DOCK7: variants seen among roughly 807,000 people sequenced by gnomAD.
DOCK7 encodes dedicator of cytokinesis protein 7.
A neutral mutation model predicts 271.0 loss-of-function variants in DOCK7; 138 were observed. The ratio of observed to expected loss-of-function variants is 0.51; its 90% CI spans 0.44 to 0.59. The LOEUF is 0.59. Ranked by LOEUF, DOCK7 falls within the 20% of genes least tolerant of loss-of-function variation. The pLI is 0.00. For synonymous variants in DOCK7, 823 were observed against 876.1 expected (o/e 0.94, Z 1.07); for missense variants, 2,066 against 2,592.4 (o/e 0.80, Z 4.41).
At chr1:62,460,312 T>A (rs1239375221) in intron 48 of DOCK7, among the ~76,000 whole-genome samples, 3 of 152,028 alleles carry the variant, frequency 2.0e-5, no homozygotes, top group African/African-American at 4.8e-5. Context: ...TCTGCATGCA[T>A]GAATTAGACC....
At position 62,648,312 on chromosome 1, in the gene DOCK7, G is replaced by T; in HGVS notation, c.526C>A (p.Leu176Ile). ...TCTATTGACATTGAACGTCTTTTAA[G>T]GTCATCCTGTCATGCAAAACATTAA... ...GNSYQDDQDD[L>I]KRRSMSIDDT... The change falls in exon 6 of 50, where the codon CTT (leucine) becomes ATT (isoleucine). Residue 176 changes from leucine (L) to isoleucine (I), a missense_variant. Leu to Ile is a conservative substitution (Grantham distance 5, BLOSUM62 2). Coordinates refer to ENST00000635253, the MANE Select transcript of DOCK7 (RefSeq NM_001367561.1). 1 of 1,596,070 alleles carries T rather than the reference G, an allele frequency of 6.3e-7. No homozygotes were observed.
chr1:62,662,292 T>C (rs1658749930), intron 2 of DOCK7, among the ~76,000 whole-genome samples: 1 of 152,174 alleles, frequency 6.6e-6, no homozygotes, highest in Non-Finnish European at 1.5e-5. Context: ...CCAGCTTCTT[T>C]AATAAGAGAA....
chr1:62,565,890 C>T (rs1646498120), intron 18 of DOCK7, among the ~76,000 whole-genome samples: 1 of 152,192 alleles, frequency 6.6e-6, no homozygotes, highest in Non-Finnish European at 1.5e-5. Context: ...GCAAAAATCA[C>T]AAGCATTCCT....
intron 18 of DOCK7, 151 bp downstream of exon 18, chr1:62,577,111 A>G (rs1357763311): frequency 4.9e-6 from 2 of 411,132 alleles, no homozygotes; most frequent in African/African-American, 4.1e-5. Flanking sequence ...TTTTATGTAA[A>G]AGAATTTTAA....
chr1:62,617,050 A>T (rs527873828), intron 14 of DOCK7, among the ~76,000 whole-genome samples: 2 of 151,682 alleles, frequency 1.3e-5, no homozygotes, highest in South Asian at 2.1e-4. Context: ...TTTCAGTGAA[A>T]TGAGCAAACT....
chr1:62,631,802 AG>A (rs1654661402), intron 10 of DOCK7, among the ~76,000 whole-genome samples: 1 of 152,234 alleles, frequency 6.6e-6, no homozygotes. Context: ...GAAGTAGCTG[AG>A]CACATTTGAA....
intron 14 of DOCK7, chr1:62,598,719 T>A: frequency 6.2e-7 from 1 of 1,609,852 alleles, no homozygotes; most frequent in Non-Finnish European, 8.5e-7. Flanking sequence ...AACAAGATAA[T>A]AGCATCAAAG....
rs1645465258 is a variant in DOCK7 at position 62,539,764 on chromosome 1, T to C, written c.3174A>G (p.Ser1058=). ...AAGTTATCATTACCTTCTGAAATCGTGAAACTATATCACTAGCAATCGTGC... is the reference window on the plus strand; with the variant it reads ...AAGTTATCATTACCTTCTGAAATCGCGAAACTATATCACTAGCAATCGTGC... ...LVSTIASDIV[S]RFQKDTEMVE... The change falls in exon 26 of 50, where the codon TCA becomes TCG. Residue 1058 remains serine (S), a synonymous_variant. Coordinates refer to ENST00000635253, the MANE Select transcript of DOCK7 (RefSeq NM_001367561.1). 1 of 1,612,884 alleles carries C rather than the reference T, an allele frequency of 6.2e-7. No homozygotes were observed. Among genetic ancestry groups the C allele is most frequent in the Non-Finnish European group, 8.5e-7 (1 of 1,179,694 alleles).
intron 7 of DOCK7, among the ~76,000 whole-genome samples, chr1:62,643,968 T>A (rs986777639): frequency 2.0e-5 from 3 of 151,796 alleles, no homozygotes; most frequent in Admixed American, 6.6e-5. Context: ...ATTCTGAGAG[T>A]CTCTTGTTCC....
intron 18 of DOCK7, among the ~76,000 whole-genome samples, chr1:62,570,730 A>G (rs1207150020): frequency 6.6e-6 from 1 of 152,178 alleles, no homozygotes; most frequent in Non-Finnish European, 1.5e-5. Context: ...GGAACAGAAT[A>G]GAGAACTTAG....
rs191312236 is a variant in DOCK7, at chr1:62,494,390, C to T, written c.5102G>A (p.Arg1701Gln). The change falls in exon 40 of 50, where the codon CGA becomes CAA. Residue 1701 changes from arginine (R) to glutamine (Q), a missense_variant. Arg to Gln is a conservative substitution (Grantham distance 43, BLOSUM62 1). Transcript: ENST00000635253. ...LQNMAGKHSE[R>Q]SNHAEAAQCL... ...CTGTGCAGCTTCAGCATGATTGCTT[C>T]GTTCTGAGTGCTTGCCTGCCATGTT... The T allele has an allele frequency of 2.7e-5, 43 of 1,613,394 alleles. No homozygotes were observed. The highest frequency in any genetic ancestry group is 3.3e-5 in the Admixed American group (2 of 60,000).
intron 14 of DOCK7, among the ~76,000 whole-genome samples, chr1:62,599,463 C>T (rs1206579198): frequency 2.0e-5 from 3 of 151,972 alleles, no homozygotes; most frequent in Non-Finnish European, 4.4e-5. Context: ...CCGCCTGGTC[C>T]CATCCCTGAA....
At chr1:62,520,802 C>T (rs1462759538) in intron 31 of DOCK7, among the ~76,000 whole-genome samples, 2 of 152,116 alleles carry the variant, frequency 1.3e-5, no homozygotes, top group Non-Finnish European at 2.9e-5. Context: ...ACACATGCAC[C>T]TGTATGTTTA....
chr1:62,584,213 A>G (rs1055799114), intron 15 of DOCK7: 2 of 983,698 alleles, frequency 2.0e-6, no homozygotes, highest in Non-Finnish European at 2.4e-6. Context: ...CATTTCAAGC[A>G]GGCTCTTTTA....
intron 31 of DOCK7, among the ~76,000 whole-genome samples, chr1:62,524,958 ACTATAAAC>A (rs1644962265): frequency 1.0e-4 from 9 of 90,268 alleles, no homozygotes; most frequent in South Asian, 4.0e-4. Flanking sequence ...TATATATATT[ACTATAAAC>A]TATATATTTT....
chr1:62,490,993 T>C (rs1646449728), intron 41 of DOCK7, among the ~76,000 whole-genome samples: 1 of 152,202 alleles, frequency 6.6e-6, no homozygotes, highest in African/African-American at 2.4e-5. Flanking sequence ...CACTAGTACT[T>C]ACTTGGAACG....
intron 22 of DOCK7, among the ~76,000 whole-genome samples, chr1:62,549,635 C>T (rs1645827101): frequency 6.6e-6 from 1 of 151,996 alleles, no homozygotes. Flanking sequence ...AGCATTTATC[C>T]TTTGTGATAC....
chr1:62,601,313 C>A, intron 14 of DOCK7: 1 of 747,334 alleles, frequency 1.3e-6, no homozygotes, highest in Non-Finnish European at 2.3e-6. Context: ...AATGTATCAA[C>A]CTAAACTGGA....
intron 35 of DOCK7, among the ~76,000 whole-genome samples, chr1:62,507,450 A>G (rs1482070918): frequency 3.3e-5 from 5 of 152,226 alleles, no homozygotes; most frequent in Admixed American, 3.3e-4. Context: ...AAATGAGTTA[A>G]TATTTGTAAA....
Sources: allele counts gnomAD v4.1 joint callset (sites outside exome capture counted in the v4.1 genomes callset), GRCh38; gene constraint gnomAD v4.1.1; transcripts MANE v1.5; gene names NCBI Gene and HGNC (gene_info 2026-07-23, HGNC 2026-07-21).